The following CELF2 variants were observed in gnomAD, a reference collection of about 807,000 sequenced individuals.
CELF2 encodes CUG triplet repeat RNA-binding protein 2.
In CELF2, 8 loss-of-function variants were observed where a neutral mutation model predicts 62.6. That is an observed-to-expected ratio of 0.13 (90% confidence interval 0.07 to 0.23). CELF2 has a LOEUF of 0.23. Among genes scored for constraint, CELF2 ranks in the 10% least tolerant of loss-of-function variants. The probability of loss-of-function intolerance (pLI) is 1.00; values close to 1 mark genes in which losing one functional copy is unlikely to be tolerated. For missense variants in CELF2, 333 were observed against 671.0 expected (o/e 0.50, Z 5.56); for synonymous variants, 258 against 250.0 (o/e 1.03, Z -0.30).
intron 2 of CELF2, among the ~76,000 whole-genome samples, chr10:11,171,111 G>A (rs1044429814): frequency 5.9e-5 from 9 of 152,312 alleles, no homozygotes; most frequent in Middle Eastern, 3.4e-3. Context: ...CTATCACTAC[G>A]TACCAAAGGA....
chr10:11,004,645 T>A (rs1042969701), upstream of CELF2, among the ~76,000 whole-genome samples: 4 of 152,166 alleles, frequency 2.6e-5, no homozygotes, highest in African/African-American at 9.7e-5. This position sits in a 1 kb window ranked among gnomAD's most constrained non-coding sequence, Gnocchi z 5.0. Flanking sequence ...CCAAACAATC[T>A]TTGCATTGCC....
chr10:10,786,440 A>T, the CELF2 span, among the ~76,000 whole-genome samples: 2 of 151,740 alleles, frequency 1.3e-5, no homozygotes, highest in Non-Finnish European at 2.9e-5. Flanking sequence ...ACAGATCAGG[A>T]TGATGAGAAA....
intron 1 of CELF2, among the ~76,000 whole-genome samples, chr10:10,832,812 C>G (rs1187853501): frequency 3.3e-5 from 5 of 152,104 alleles, no homozygotes; most frequent in Non-Finnish European, 7.3e-5. Flanking sequence ...ATTCATTACA[C>G]TGGAATCGGA....
intron 1 of CELF2, among the ~76,000 whole-genome samples, chr10:10,819,179 A>G (rs982444077): frequency 1.3e-5 from 2 of 152,204 alleles, no homozygotes; most frequent in Non-Finnish European, 2.9e-5. Flanking sequence ...GGGTATTTGA[A>G]TTATGAAACT....
intron 1 of CELF2, among the ~76,000 whole-genome samples, chr10:10,827,375 C>T (rs1280882712): frequency 6.6e-6 from 1 of 152,088 alleles, no homozygotes; most frequent in African/African-American, 2.4e-5. Context: ...CATCACGTCT[C>T]CTTCTGAGGA....
At chr10:10,552,249 G>C in the CELF2 span, among the ~76,000 whole-genome samples, 1 of 152,212 alleles carries the variant, frequency 6.6e-6, no homozygotes, top group African/African-American at 2.4e-5. Flanking sequence ...GCTTAGAGGA[G>C]AGAAATTAAA....
chr10:11,294,953 A>G (rs1195892802), intron 9 of CELF2, among the ~76,000 whole-genome samples: 1 of 151,028 alleles, frequency 6.6e-6, no homozygotes, highest in Non-Finnish European at 1.5e-5. Flanking sequence ...TTCATTTTTT[A>G]TTTTAGCTTT....
At chr10:10,923,274 T>A (rs1485474689) in intron 2 of CELF2, among the ~76,000 whole-genome samples, 1 of 152,212 alleles carries the variant, frequency 6.6e-6, no homozygotes, top group African/African-American at 2.4e-5. Context: ...CAACTAGTGA[T>A]ATGTGGCTGG....
rs778597821 is a variant in CELF2, at chr10:11,325,822, T to G, written c.1295-14T>G. The G allele has an allele frequency of 6.3e-7, 1 of 1,599,082 alleles. No homozygotes were observed. Among genetic ancestry groups the G allele is most frequent in the Admixed American group, 1.8e-5 (1 of 55,642 alleles). On this transcript the variant is annotated splice_polypyrimidine_tract_variant and intron_variant, in intron 11 of 12. Coordinates refer to ENST00000633077, the MANE Select transcript of CELF2 (RefSeq NM_001326342.2). ...CAAGGGATACCTTACTCTGACTTTTTTTTTCCTCCTTAGGTCCAGAGGGGG... is the reference window on the plus strand; with the variant it reads ...CAAGGGATACCTTACTCTGACTTTTGTTTTCCTCCTTAGGTCCAGAGGGGG...
chr10:11,202,373 A>C (rs982288376), intron 2 of CELF2, among the ~76,000 whole-genome samples: 1 of 152,210 alleles, frequency 6.6e-6, no homozygotes, highest in African/African-American at 2.4e-5. Context: ...TTGTCATCCC[A>C]AAAAGAAAGG....
In CELF2 at chr10:11,046,952, T is replaced by A. The variant is rs930114565; in HGVS notation, c.74+28789T>A. Among the ~76,000 whole-genome samples the A allele has an allele frequency of 2.0e-5, 3 of 152,128 alleles. No individual in the cohort carries two copies. Among genetic ancestry groups the A allele is most frequent in the African/African-American group, 7.2e-5 (3 of 41,424 alleles). ...GTAGAGGAAGGATTGTTCGGAATTA[T>A]TATATTGTCAGACCCATTGTTTATT... is the stretch of plus-strand genomic sequence containing the variant. On this transcript the variant is annotated intron_variant, in intron 1 of 12. Coordinates refer to ENST00000633077, the MANE Select transcript of CELF2 (RefSeq NM_001326342.2). The surrounding 1 kb of genome is among the most constrained non-coding windows in gnomAD (Gnocchi z 4.6).
chr10:10,835,025 C>T (rs1201393787), intron 1 of CELF2, among the ~76,000 whole-genome samples: 2 of 152,172 alleles, frequency 1.3e-5, no homozygotes, highest in Non-Finnish European at 2.9e-5. Context: ...CTTTCTACCT[C>T]CCATTTTTCT....
chr10:10,688,735 C>G, the CELF2 span, among the ~76,000 whole-genome samples: 1 of 152,006 alleles, frequency 6.6e-6, no homozygotes, highest in South Asian at 2.1e-4. Context: ...TGGCTGGGCT[C>G]AGTGGCTCAT....
rs1048501664 is a variant in CELF2, at chr10:11,125,042, C to T, written c.75-40444C>T. Among the ~76,000 whole-genome samples, 6 of 152,306 alleles carry T rather than the reference C, an allele frequency of 3.9e-5. No individual in the cohort carries two copies. In the South Asian group the frequency reaches 8.3e-4, roughly 21 times the overall value. On this transcript the variant is annotated intron_variant, in intron 1 of 12. Coordinates refer to ENST00000633077, the MANE Select transcript of CELF2 (RefSeq NM_001326342.2). Reference sequence around the variant, plus strand: ...TTGTTTTACTCATTACTTCAGTCTACGTGACTTCCTTTCTAATGGGAACCA... The same window carrying T: ...TTGTTTTACTCATTACTTCAGTCTATGTGACTTCCTTTCTAATGGGAACCA...
chr10:11,132,778 C>T, intron 1 of CELF2, among the ~76,000 whole-genome samples: 1 of 152,140 alleles, frequency 6.6e-6, no homozygotes, highest in Non-Finnish European at 1.5e-5. Flanking sequence ...TCATAGAAAG[C>T]AAAACAGGGC....
rs772243893 is a variant in CELF2 at position 10,941,853 on chromosome 10, G to A, written c.89+21854G>A. Among the ~76,000 whole-genome samples, 5 of 152,028 alleles carry A rather than the reference G, an allele frequency of 3.3e-5. No homozygotes were observed. The East Asian group carries it at 5.8e-4, about 18-fold the overall frequency. On this transcript the variant is annotated intron_variant, in intron 2 of 13. Transcript: ENST00000636488. ...TATTAAAAATACAAAAATTAGCCAG[G>A]TGTGGTGGCAGGTGCCTGTAATCCC...
the CELF2 span, among the ~76,000 whole-genome samples, chr10:10,681,507 C>A: frequency 2.0e-5 from 3 of 152,164 alleles, no homozygotes; most frequent in Non-Finnish European, 2.9e-5. Context: ...GAGCCACAGA[C>A]TATATATAAA....
intron 1 of CELF2, among the ~76,000 whole-genome samples, chr10:10,885,641 C>T (rs951746160): frequency 6.6e-6 from 1 of 152,066 alleles, no homozygotes; most frequent in African/African-American, 2.4e-5. Context: ...GCTGCTGTAA[C>T]CAATTGCTGC....
At chr10:11,233,933 C>A (rs1020544202) in intron 3 of CELF2, among the ~76,000 whole-genome samples, 18 of 152,182 alleles carry the variant, frequency 1.2e-4, no homozygotes, top group African/African-American at 3.6e-4. Flanking sequence ...TTGTACATCA[C>A]CCCCTACACC....
Sources: gnomAD v4.1 joint callset for allele counts (sites outside exome capture counted in the v4.1 genomes callset) on GRCh38, gnomAD v4.1.1 for gene constraint, Gnocchi (gnomAD v3.1) non-coding constraint, MANE v1.5 for transcripts, NCBI Gene and HGNC (gene_info 2026-07-23, HGNC 2026-07-21) for gene names.